SIN3A: variants seen among roughly 807,000 people sequenced by gnomAD.
SIN3A encodes the protein paired amphipathic helix protein Sin3a.
SIN3A carries 14 observed loss-of-function variants against 146.1 expected under a neutral mutation model. The observed-to-expected ratio is 0.10, with a 90% CI of 0.06 to 0.15. The LOEUF (loss-of-function observed/expected upper bound fraction) is 0.15. SIN3A is among the 10% of genes least tolerant of loss of function. The pLI is 1.00. For synonymous variants in SIN3A, 572 were observed against 572.0 expected (o/e 1.00, Z 0.00); for missense variants, 1,028 against 1,576.0 (o/e 0.65, Z 5.89).
chr15:75,433,679 G>A (rs571163304), intron 1 of SIN3A, among the ~76,000 whole-genome samples: 16 of 152,046 alleles, frequency 1.1e-4, no homozygotes, highest in South Asian at 6.2e-4. Context: ...GCGTAGTGGC[G>A]GGCACCTGTA....
chr15:75,394,873 C>T lies in SIN3A; in HGVS notation c.2094-10G>A, dbSNP rs565316990. 6 of 1,609,402 alleles carry T rather than the reference C, an allele frequency of 3.7e-6. No individual in the cohort carries two copies. The highest frequency in any genetic ancestry group is 2.7e-5 in the African/African-American group (2 of 74,672). On this transcript the variant is annotated splice_polypyrimidine_tract_variant and intron_variant, in intron 13 of 20. Coordinates refer to ENST00000394947, the MANE Select transcript of SIN3A (RefSeq NM_001145358.2). ...CTCTTTCATCTTCAACCTAGTGAAG[C>T]GGGAAGGGATGGAAACAACACATGG...
chr15:75,438,608 G>C (rs1371510764), intron 1 of SIN3A, among the ~76,000 whole-genome samples: 2 of 152,040 alleles, frequency 1.3e-5, no homozygotes, highest in Non-Finnish European at 2.9e-5. Flanking sequence ...AGGATCATTT[G>C]AGCCTGGGAG....
chr15:75,434,531 T>A (rs1177695866), intron 1 of SIN3A, among the ~76,000 whole-genome samples: 1 of 151,694 alleles, frequency 6.6e-6, no homozygotes, highest in Non-Finnish European at 1.5e-5. Context: ...GCGCCTGTAA[T>A]CCCAGCTACT....
intron 8 of SIN3A, 95 bp downstream of exon 8, chr15:75,409,741 A>AAAC: frequency 1.4e-6 from 2 of 1,422,670 alleles, no homozygotes; most frequent in African/African-American, 1.4e-5. Context: ...AAACAAAAAA[A>AAAC]AACAACAACA....
chr15:75,386,538 G>A (rs1189415491), intron 16 of SIN3A, among the ~76,000 whole-genome samples: 1 of 152,186 alleles, frequency 6.6e-6, no homozygotes, highest in African/African-American at 2.4e-5. Context: ...TTTTGAGGAG[G>A]AGCATCTGTA....
At chr15:75,391,408 A>G (rs1225878847) in intron 15 of SIN3A, among the ~76,000 whole-genome samples, 1 of 152,180 alleles carries the variant, frequency 6.6e-6, no homozygotes, top group Non-Finnish European at 1.5e-5. Flanking sequence ...GGACTAGTCT[A>G]GATAAAAGCT....
Position 75,430,392 on chromosome 15 carries a change from G to A in SIN3A, c.-17C>T, listed in dbSNP as rs1259069951. On this transcript the variant is annotated 5_prime_UTR_variant, in exon 2 of 21. Transcript: ENST00000394947. ...CCGCTTCATTCTGTGCTCATGCTCA[G>A]GGATGCACTACAAAACCTGCAGAAA... 3.8e-6 allele frequency: 6 copies of A among 1,592,472 alleles called. No homozygotes were observed. In the South Asian group the frequency reaches 6.8e-5, roughly 18 times the overall value.
chr15:75,420,542 C>T (rs997358587), intron 3 of SIN3A: 1 of 152,122 alleles, frequency 6.6e-6, no homozygotes, highest in African/African-American at 2.4e-5. Context: ...CATGCGCCAC[C>T]ATGCCTGGCT....
At position 75,413,184 on chromosome 15, in the gene SIN3A, G is replaced by A. The variant is rs4886701; in HGVS notation, c.474-139C>T. 6.5e-3 allele frequency: 4,909 copies of A among 759,860 alleles called. 143 individuals are homozygous for A. The East Asian group carries it at 0.091, about 14-fold the overall frequency. 47.1% of individuals were successfully genotyped at this position (759,860 alleles called of 1,614,324 possible). On this transcript the variant is annotated intron_variant, in intron 4 of 20. Coordinates refer to ENST00000394947, the MANE Select transcript of SIN3A (RefSeq NM_001145358.2). ...CTGGACTGCAATGGTGCAATCTTGG[G>A]GTCTTGGCTCACTGCAACCTCCACC...
chr15:75,409,108 G>A (rs1245409710), intron 8 of SIN3A, among the ~76,000 whole-genome samples: 6 of 152,052 alleles, frequency 3.9e-5, no homozygotes, highest in Admixed American at 3.9e-4. Flanking sequence ...GGAGGCTGCG[G>A]CAGGATAATT....
intron 1 of SIN3A, among the ~76,000 whole-genome samples, chr15:75,432,877 T>C (rs2074036792): frequency 6.6e-6 from 1 of 151,764 alleles, no homozygotes; most frequent in South Asian, 2.1e-4. Context: ...ACCCAGTCTC[T>C]ACTAAAAATA....
rs1487442896 is a variant in SIN3A at position 75,370,317 on chromosome 15, TTGGTGG to T, written c.*1656_*1661del. 6.6e-6 allele frequency: 1 copy of T among 152,178 alleles called. No individual in the cohort carries two copies. Among genetic ancestry groups the T allele is most frequent in the East Asian group, 1.9e-4 (1 of 5,198 alleles). 9.4% of individuals were successfully genotyped at this position (152,178 alleles called of 1,614,324 possible). On this transcript the variant is annotated 3_prime_UTR_variant, in exon 21 of 21. Coordinates refer to ENST00000394947, the MANE Select transcript of SIN3A (RefSeq NM_001145358.2). ...GAGCCAAAAAATTTTGTTTTTCTTT[TTGGTGG>T]TGGTGGTGATTTTTAACTAAAAAGC... is the stretch of plus-strand genomic sequence containing the variant.
intron 9 of SIN3A, among the ~76,000 whole-genome samples, chr15:75,402,629 GTTTT>G (rs776393583): frequency 3.9e-5 from 6 of 152,102 alleles, no homozygotes; most frequent in African/African-American, 1.2e-4. Context: ...GCAATAAGGA[GTTTT>G]TTTGTTTTGT....
chr15:75,378,452 T>G (rs1385257096), intron 19 of SIN3A, among the ~76,000 whole-genome samples: 1 of 152,114 alleles, frequency 6.6e-6, no homozygotes, highest in African/African-American at 2.4e-5. Flanking sequence ...TAATCCCAGC[T>G]ACTCGGGAGG....
chr15:75,416,863 T>C lies in SIN3A; in HGVS notation c.367-2552A>G, dbSNP rs916074831. 3.7e-4 allele frequency among the ~76,000 whole-genome samples: 57 copies of C among 152,220 alleles called. 1 individual carries two copies. The highest frequency in any genetic ancestry group is 1.4e-3 in the African/African-American group (56 of 41,466). On this transcript the variant is annotated intron_variant, in intron 3 of 20. Transcript: ENST00000394947. ...CCTCAAAAGAGCAGTGGTTGCTTTT[T>C]CTAGACTGTGGATCTTCAGATAAGT...
At chr15:75,393,056 C>T (rs536458875) in intron 14 of SIN3A, among the ~76,000 whole-genome samples, 3 of 152,120 alleles carry the variant, frequency 2.0e-5, no homozygotes, top group Non-Finnish European at 4.4e-5. Context: ...ATGGTGAAAC[C>T]CCGCCTCTAC....
chr15:75,442,869 T>C (rs1595930250), intron 1 of SIN3A, among the ~76,000 whole-genome samples: 1 of 149,314 alleles, frequency 6.7e-6, no homozygotes, highest in South Asian at 2.1e-4. Flanking sequence ...GAGGCGGAGG[T>C]TGCGGTGAGC....
chr15:75,419,896 TAATA>T, intron 3 of SIN3A: 1 of 152,132 alleles, frequency 6.6e-6, no homozygotes, highest in Non-Finnish European at 1.5e-5. Flanking sequence ...GACACTCACA[TAATA>T]AATAAGACAC....
chr15:75,403,260 A>G (rs183566894), intron 9 of SIN3A, among the ~76,000 whole-genome samples: 1 of 151,590 alleles, frequency 6.6e-6, no homozygotes, highest in African/African-American at 2.4e-5. Context: ...CCATTCTACT[A>G]AAGAAAAAAA....
Sources: gnomAD v4.1 joint callset for allele counts (sites outside exome capture counted in the v4.1 genomes callset) on GRCh38, gnomAD v4.1.1 for gene constraint, MANE v1.5 for transcripts, NCBI Gene and HGNC (gene_info 2026-07-23, HGNC 2026-07-21) for gene names.